Variants in STX17 observed in about 807,000 individuals in gnomAD.
The protein encoded by STX17 is syntaxin-17.
In STX17, 29 loss-of-function variants were observed where a neutral mutation model predicts 35.9. The observed-to-expected ratio is 0.81, with a 90% confidence interval of 0.60 to 1.10. STX17 has a LOEUF of 1.10. STX17 is among the 50% of genes least tolerant of loss of function. The pLI is 0.00. For synonymous variants in STX17, 92 were observed against 118.3 expected, an observed-to-expected ratio of 0.78 and a Z score of 1.44; for missense variants, 312 against 352.3, an observed-to-expected ratio of 0.89 and a Z score of 0.92.
intron 3 of STX17, among the ~76,000 whole-genome samples, chr9:99,941,968 TC>T (rs1829374460): frequency 6.6e-6 from 1 of 152,190 alleles, no homozygotes; most frequent in Non-Finnish European, 1.5e-5. Flanking sequence ...TGCACATATT[TC>T]TGTTGAGTAT....
chr9:99,920,561 G>C (rs1268475938), intron 2 of STX17, among the ~76,000 whole-genome samples: 1 of 152,108 alleles, frequency 6.6e-6, no homozygotes, highest in Non-Finnish European at 1.5e-5. Context: ...TTTTAACTTT[G>C]GGTTTTCTGT....
rs535937880 is a variant in STX17, at chr9:99,952,595, G to A, written c.415+1310G>A. ...CACATGCACACGTATGTTTATTGTG[G>A]CAGTATTCACAATAGCAAAGACTTG... On this transcript the variant is annotated intron_variant, in intron 4 of 7. Coordinates refer to ENST00000259400, the MANE Select transcript of STX17 (RefSeq NM_017919.3). Among the ~76,000 whole-genome samples, 12 of 152,254 alleles carry A rather than the reference G, an allele frequency of 7.9e-5. No individual in the cohort carries two copies. The South Asian group carries it at 2.5e-3, about 32-fold the overall frequency.
At chr9:99,931,689 T>C (rs551785463) in intron 3 of STX17, among the ~76,000 whole-genome samples, 30 of 152,322 alleles carry the variant, frequency 2.0e-4, no homozygotes, top group Admixed American at 1.1e-3. Flanking sequence ...AGAAAAAATT[T>C]GGCAGTCCCT....
In STX17 at chr9:99,946,421, T is replaced by A. The variant is rs547191228; in HGVS notation, c.190-4639T>A. Among the ~76,000 whole-genome samples the A allele has an allele frequency of 1.4e-4, 21 of 152,332 alleles. No homozygotes were observed. The East Asian group carries it at 3.7e-3, about 27-fold the overall frequency. On this transcript the variant is annotated intron_variant, in intron 3 of 7. Transcript: ENST00000259400. The stretch of plus-strand genomic sequence containing the variant: ...CTTTAACTTAGAAGTACAGATAATA[T>A]CAGTTCCTTAGACTATTTTAGTTCC...
intron 3 of STX17, among the ~76,000 whole-genome samples, chr9:99,930,456 A>G (rs2118380097): frequency 6.6e-6 from 1 of 151,690 alleles, no homozygotes; most frequent in Non-Finnish European, 1.5e-5. Context: ...TTTAGTAGAG[A>G]TGGGGTTTCA....
At chr9:99,927,116 C>T (rs1176570010) in intron 2 of STX17, among the ~76,000 whole-genome samples, 2 of 152,216 alleles carry the variant, frequency 1.3e-5, no homozygotes, top group Non-Finnish European at 2.9e-5. Context: ...CCTCTCAGTG[C>T]AACTAGCCCT....
At chr9:99,919,657 G>C (rs1176808939) in intron 2 of STX17, among the ~76,000 whole-genome samples, 1 of 152,150 alleles carries the variant, frequency 6.6e-6, no homozygotes, top group African/African-American at 2.4e-5. Flanking sequence ...GAATATTTGT[G>C]TTGAATCTGC....
At chr9:99,948,484 G>A (rs982701697) in intron 3 of STX17, among the ~76,000 whole-genome samples, 1 of 152,056 alleles carries the variant, frequency 6.6e-6, no homozygotes, top group African/African-American at 2.4e-5. Context: ...TAGAACACAA[G>A]ATCTGTGGTC....
chr9:99,936,219 T>C (rs930139028), intron 3 of STX17, among the ~76,000 whole-genome samples: 2 of 152,200 alleles, frequency 1.3e-5, no homozygotes, highest in Admixed American at 1.3e-4. Context: ...TCATTTATTG[T>C]GGGTAAATAG....
chr9:99,952,170 A>C (rs965830669), intron 4 of STX17, among the ~76,000 whole-genome samples: 7 of 152,104 alleles, frequency 4.6e-5, no homozygotes, highest in African/African-American at 1.2e-4. Flanking sequence ...AGTATAAGTA[A>C]GTTACAAATT....
At chr9:99,925,544 T>A (rs1474198055) in intron 2 of STX17, among the ~76,000 whole-genome samples, 1 of 152,166 alleles carries the variant, frequency 6.6e-6, no homozygotes, top group African/African-American at 2.4e-5. Context: ...ACCTTTCTGC[T>A]GGTGATGGAT....
intron 4 of STX17, among the ~76,000 whole-genome samples, chr9:99,958,922 A>G (rs1490674674): frequency 6.6e-6 from 1 of 152,216 alleles, no homozygotes; most frequent in Non-Finnish European, 1.5e-5. Flanking sequence ...GGGCCAGAAG[A>G]TTGAGGAGAA....
chr9:99,911,183 A>C (rs946838581), intron 1 of STX17, among the ~76,000 whole-genome samples: 1 of 152,020 alleles, frequency 6.6e-6, no homozygotes, highest in South Asian at 2.1e-4. Flanking sequence ...ATACAGGTGC[A>C]TGCCACCACG....
Position 99,971,822 on chromosome 9 carries a change from A to G in STX17, c.*3149A>G, listed in dbSNP as rs1830020692. On this transcript the variant is annotated 3_prime_UTR_variant, in exon 8 of 8. Transcript: ENST00000259400. ...GATCACTTGAGCCCAGGAGTTTGAG[A>G]CCAGCCTGGGCAACATAGTGAGACT... Among the ~76,000 whole-genome samples the G allele has an allele frequency of 6.7e-6, 1 of 149,224 alleles. No homozygotes were observed. The highest frequency in any genetic ancestry group is 2.5e-5 in the African/African-American group (1 of 40,092).
intron 2 of STX17, among the ~76,000 whole-genome samples, chr9:99,925,702 T>C (rs1250906986): frequency 1.3e-5 from 2 of 152,160 alleles, no homozygotes; most frequent in Non-Finnish European, 2.9e-5. Context: ...TTGGATTGTT[T>C]CTCACAAGAA....
chr9:99,935,292 T>C (rs1164962474), intron 3 of STX17, among the ~76,000 whole-genome samples: 1 of 141,326 alleles, frequency 7.1e-6, no homozygotes, highest in East Asian at 2.1e-4. Flanking sequence ...ATCACACCAC[T>C]GTACTCCAGC....
chr9:99,921,227 A>G (rs142062947), intron 2 of STX17, among the ~76,000 whole-genome samples: 2 of 152,332 alleles, frequency 1.3e-5, no homozygotes, highest in African/African-American at 4.8e-5. Context: ...ATGAATATAC[A>G]TGTATAGAGC....
At chr9:99,966,553 C>T (rs998133715) in intron 6 of STX17, among the ~76,000 whole-genome samples, 2 of 151,720 alleles carry the variant, frequency 1.3e-5, no homozygotes, top group Admixed American at 6.6e-5. Flanking sequence ...ATTATTTCAC[C>T]CTCATTGCAG....
chr9:99,955,208 T>C (rs7046365), intron 4 of STX17, among the ~76,000 whole-genome samples: 40,432 of 151,986 alleles, frequency 0.27, 6,197 homozygotes, highest in Non-Finnish European at 0.35. Context: ...TAAACAAATA[T>C]TCACAAAAGA....
Sources: gnomAD v4.1 joint callset for allele counts (sites outside exome capture counted in the v4.1 genomes callset) on GRCh38, gnomAD v4.1.1 for gene constraint, MANE v1.5 for transcripts, NCBI Gene and HGNC (gene_info 2026-07-23, HGNC 2026-07-21) for gene names.